The following PDE4D variants were observed in gnomAD, a reference collection of about 807,000 sequenced individuals.
PDE4D encodes phosphodiesterase 4D.
In PDE4D, 24 loss-of-function variants were observed where a neutral mutation model predicts 87.4. The observed-to-expected ratio is 0.27, with a 90% CI of 0.20 to 0.39. PDE4D has a LOEUF of 0.39. Among genes scored for constraint, PDE4D ranks in the 10% least tolerant of loss-of-function variants. The probability of loss-of-function intolerance (pLI) is 1.00; values close to 1 mark genes in which losing one functional copy is unlikely to be tolerated. For missense variants in PDE4D, 714 were observed against 1,041.0 expected (o/e 0.69, Z 4.32); for synonymous variants, 384 against 383.2 (o/e 1.00, Z -0.02).
chr5:59,021,151 G>A (rs901817633), intron 6 of PDE4D, among the ~76,000 whole-genome samples: 2 of 152,118 alleles, frequency 1.3e-5, no homozygotes, highest in Non-Finnish European at 2.9e-5. Context: ...ACAGACCAAT[G>A]TTTAGACACA....
At chr5:59,243,524 A>G (rs551274869) in intron 1 of PDE4D, among the ~76,000 whole-genome samples, 1 of 114,408 alleles carries the variant, frequency 8.7e-6, no homozygotes, top group East Asian at 3.0e-4. Flanking sequence ...CAGTGGAGTG[A>G]TCTTGGCTCA....
At chr5:58,992,056 A>T in intron 7 of PDE4D, 52 bp from the exon 8 acceptor site, 1 of 1,067,216 alleles carries the variant, frequency 9.4e-7, no homozygotes, top group Non-Finnish European at 1.3e-6. Flanking sequence ...TATCTGTTTT[A>T]TATCATATGC....
chr5:59,354,289 A>T (rs559942047), intron 1 of PDE4D, among the ~76,000 whole-genome samples: 1 of 152,218 alleles, frequency 6.6e-6, no homozygotes, highest in Non-Finnish European at 1.5e-5. Context: ...AAAGGTCAAG[A>T]TAAGCTTAAG....
chr5:60,424,155 GAA>G (rs1743418357), intron 1 of PDE4D, among the ~76,000 whole-genome samples: 2 of 152,106 alleles, frequency 1.3e-5, no homozygotes, highest in South Asian at 4.1e-4. Context: ...CCAATCAAAA[GAA>G]AAAGAGGGAA....
chr5:60,435,663 C>T (rs866872886), intron 1 of PDE4D, among the ~76,000 whole-genome samples: 6 of 150,254 alleles, frequency 4.0e-5, no homozygotes, highest in Non-Finnish European at 5.9e-5. Context: ...TTATTTAGGA[C>T]GTGAAGATTA....
intron 1 of PDE4D, among the ~76,000 whole-genome samples, chr5:60,367,308 C>T (rs1014798601): frequency 6.6e-6 from 1 of 151,956 alleles, no homozygotes; most frequent in Non-Finnish European, 1.5e-5. Flanking sequence ...ATTAGCCAGG[C>T]ATGGTGGTGC....
chr5:60,179,349 G>T (rs1369765542), intron 2 of PDE4D, among the ~76,000 whole-genome samples: 1 of 152,010 alleles, frequency 6.6e-6, no homozygotes, highest in Non-Finnish European at 1.5e-5. Flanking sequence ...AAGTAAAGTT[G>T]TTATCTGCTT....
intron 7 of PDE4D, among the ~76,000 whole-genome samples, chr5:58,992,713 C>T (rs1748195261): frequency 6.6e-6 from 1 of 152,152 alleles, no homozygotes; most frequent in South Asian, 2.1e-4. Context: ...GATTTCAAGG[C>T]AGTGATGAGC....
intron 1 of PDE4D, among the ~76,000 whole-genome samples, chr5:59,815,558 G>T (rs1768879668): frequency 6.6e-6 from 1 of 152,210 alleles, no homozygotes; most frequent in South Asian, 2.1e-4. Flanking sequence ...AAATGGGGTG[G>T]TTGTAGGGAT....
At chr5:59,049,321 C>T (rs2968019) in intron 5 of PDE4D, among the ~76,000 whole-genome samples, 89,703 of 151,992 alleles carry the variant, frequency 0.59, 26,865 homozygotes, top group East Asian at 0.85. Context: ...TATTTCCAAA[C>T]GAGATTCAAA....
chr5:59,094,060 A>C (rs548850396), intron 5 of PDE4D, among the ~76,000 whole-genome samples: 5 of 151,954 alleles, frequency 3.3e-5, no homozygotes, highest in African/African-American at 9.7e-5. Flanking sequence ...TCTACTAAAA[A>C]TACAAAAATT....
At chr5:59,285,856 T>C (rs953778387) in intron 1 of PDE4D, among the ~76,000 whole-genome samples, 2 of 152,182 alleles carry the variant, frequency 1.3e-5, no homozygotes, top group African/African-American at 4.8e-5. Flanking sequence ...TGTCTATGAA[T>C]GAGATGGCTG....
At chr5:59,844,708 T>C (rs1743558241) in intron 1 of PDE4D, among the ~76,000 whole-genome samples, 2 of 152,076 alleles carry the variant, frequency 1.3e-5, no homozygotes. Context: ...ATGATCTCCT[T>C]CTCTTATATG....
At chr5:59,794,699 CAT>C (rs1196280065) in intron 1 of PDE4D, among the ~76,000 whole-genome samples, 5 of 152,088 alleles carry the variant, frequency 3.3e-5, no homozygotes, top group Non-Finnish European at 5.9e-5. Context: ...ACAAACAAAA[CAT>C]AGTTCATCAA....
At chr5:60,028,502 T>C (rs546214246) in intron 2 of PDE4D, among the ~76,000 whole-genome samples, 1 of 152,330 alleles carries the variant, frequency 6.6e-6, no homozygotes, top group African/African-American at 2.4e-5. Context: ...TAATTTTTCC[T>C]TCCCTCCAAC....
At chr5:59,911,104 T>C (rs1202383129) in intron 3 of PDE4D, among the ~76,000 whole-genome samples, 2 of 152,212 alleles carry the variant, frequency 1.3e-5, no homozygotes, top group Non-Finnish European at 2.9e-5. Flanking sequence ...AAGATGATAA[T>C]AGCCCTTTCC....
chr5:59,327,227 T>A (rs536262842), intron 1 of PDE4D, among the ~76,000 whole-genome samples: 8 of 151,830 alleles, frequency 5.3e-5, no homozygotes, highest in African/African-American at 1.9e-4. Context: ...TGAGTTGTGA[T>A]TCTTTAGCAG....
At chr5:59,551,856 A>T (rs534896934) in intron 1 of PDE4D, among the ~76,000 whole-genome samples, 1 of 152,220 alleles carries the variant, frequency 6.6e-6, no homozygotes, top group South Asian at 2.1e-4. Context: ...AACCCTTCTA[A>T]TTTCTTATTA....
At chr5:60,251,371 T>G (rs1267801149) in intron 1 of PDE4D, among the ~76,000 whole-genome samples, 1 of 151,950 alleles carries the variant, frequency 6.6e-6, no homozygotes, top group Non-Finnish European at 1.5e-5. Flanking sequence ...CTGTCCATCT[T>G]CTAGTCGGCC....
Sources: gnomAD v4.1 joint callset for allele counts (sites outside exome capture counted in the v4.1 genomes callset) on GRCh38, gnomAD v4.1.1 for gene constraint, MANE v1.5 for transcripts, NCBI Gene and HGNC (gene_info 2026-07-23, HGNC 2026-07-21) for gene names.